CUX1: variants seen among roughly 807,000 people sequenced by gnomAD.
The protein encoded by CUX1 is protein CASP.
A neutral mutation model predicts 158.8 loss-of-function variants in CUX1; 31 were observed. The observed-to-expected ratio is 0.20, with a 90% CI of 0.15 to 0.26. The LOEUF (loss-of-function observed/expected upper bound fraction) is 0.26, where lower values mean the gene tolerates loss of function less well. Among genes scored for constraint, CUX1 ranks in the 10% least tolerant of loss-of-function variants. The probability of loss-of-function intolerance (pLI) is 1.00; values close to 1 mark genes in which losing one functional copy is unlikely to be tolerated. For synonymous variants in CUX1, 879 were observed against 862.1 expected, an observed-to-expected ratio of 1.02 and a Z score of -0.34; for missense variants, 1,589 against 2,014.6, an observed-to-expected ratio of 0.79 and a Z score of 4.04.
intron 21 of CUX1, chr7:102,282,070 C>G: frequency 1.5e-6 from 1 of 669,510 alleles, no homozygotes. Flanking sequence ...CTTCGAGAGC[C>G]TTGGCCCACC....
intron 8 of CUX1, among the ~76,000 whole-genome samples, chr7:102,139,597 C>T (rs1482553282): frequency 1.3e-5 from 2 of 152,180 alleles, no homozygotes; most frequent in African/African-American, 4.8e-5. Context: ...AAATTCGAGA[C>T]AGGCTGGGCA....
chr7:102,206,958 G>C (rs1408543590), intron 20 of CUX1, among the ~76,000 whole-genome samples: 3 of 152,142 alleles, frequency 2.0e-5, no homozygotes, highest in African/African-American at 7.2e-5. Flanking sequence ...TGCCAGGCCT[G>C]CTAATGATCG....
chr7:102,255,524 C>T lies in CUX1; in HGVS notation c.*6482C>T, dbSNP rs373745381. 9 of 985,312 alleles carry T rather than the reference C, an allele frequency of 9.1e-6. No individual in the cohort carries two copies. The African/African-American group carries it at 1.4e-4, about 15-fold the overall frequency. 61.0% of individuals were successfully genotyped at this position (985,312 alleles called of 1,614,324 possible). On this transcript the variant is annotated 3_prime_UTR_variant, in exon 24 of 24. Transcript: ENST00000292535. ...GCTTTTCATGAATCCTTTTAGTTTA[C>T]CCGATAATGTTAAGAAAGCATTAGT...
intron 1 of CUX1, among the ~76,000 whole-genome samples, chr7:101,860,044 C>T (rs1251221955): frequency 6.6e-6 from 1 of 150,396 alleles, no homozygotes; most frequent in Non-Finnish European, 1.5e-5. Flanking sequence ...CTGTCTCTGC[C>T]TGCTTTTTCC....
intron 3 of CUX1, among the ~76,000 whole-genome samples, chr7:102,056,812 G>A (rs1336622145): frequency 3.9e-5 from 6 of 151,970 alleles, no homozygotes; most frequent in African/African-American, 7.3e-5. Context: ...CTCGTGATCC[G>A]CCTGCCTCAG....
Position 102,258,118 on chromosome 7 carries a change from C to T in CUX1, c.*9076C>T, listed in dbSNP as rs1033068749. 11 of 985,124 alleles carry T rather than the reference C, an allele frequency of 1.1e-5. No individual in the cohort carries two copies. Among genetic ancestry groups the T allele is most frequent in the Non-Finnish European group, 1.1e-5 (9 of 829,820 alleles). 61.0% of individuals were successfully genotyped at this position (985,124 alleles called of 1,614,324 possible). On this transcript the variant is annotated 3_prime_UTR_variant, in exon 24 of 24. Coordinates refer to ENST00000292535, the MANE Select transcript of CUX1 (RefSeq NM_181552.4). ...GATGTTTGTTCTCAGCACTGTACAACGGTCCCTATATAATACGGAGAAGCA... is the reference window on the plus strand; with the variant it reads ...GATGTTTGTTCTCAGCACTGTACAATGGTCCCTATATAATACGGAGAAGCA...
At chr7:101,996,058 A>AT (rs1178515474) in intron 2 of CUX1, among the ~76,000 whole-genome samples, 1 of 151,682 alleles carries the variant, frequency 6.6e-6, no homozygotes, top group East Asian at 1.9e-4. Flanking sequence ...ATTGCATGAG[A>AT]TGAGATCGCG....
intron 18 of CUX1, among the ~76,000 whole-genome samples, chr7:102,278,629 T>A (rs1328432678): frequency 1.2e-4 from 5 of 41,588 alleles, no homozygotes; most frequent in South Asian, 6.9e-4. Context: ...AAAATAAAAT[T>A]AAAATAAAAT....
intron 1 of CUX1, among the ~76,000 whole-genome samples, chr7:101,898,679 C>T (rs1554409094): frequency 6.6e-6 from 1 of 151,620 alleles, no homozygotes; most frequent in South Asian, 2.1e-4. Flanking sequence ...CAACCTCCGC[C>T]TCCCGGGTTC....
intron 2 of CUX1, among the ~76,000 whole-genome samples, chr7:101,965,586 G>A (rs1461925883): frequency 2.0e-5 from 3 of 152,034 alleles, no homozygotes; most frequent in Admixed American, 6.6e-5. Context: ...GGTGGCTCAC[G>A]CCTGTAATCC....
At chr7:102,102,904 G>A (rs1829933567) in intron 5 of CUX1, among the ~76,000 whole-genome samples, 1 of 149,904 alleles carries the variant, frequency 6.7e-6, no homozygotes, top group African/African-American at 2.5e-5. Flanking sequence ...CACACACAAA[G>A]CATCCAGCAT....
At chr7:102,239,203 A>T in intron 22 of CUX1, 117 bp from the exon 23 acceptor site, 1 of 1,216,040 alleles carries the variant, frequency 8.2e-7, no homozygotes, top group Non-Finnish European at 1.1e-6. Context: ...TAGTGTTTTG[A>T]GATGCTCTAT....
chr7:102,273,348 G>A (rs1426918764), intron 14 of CUX1: 1 of 1,609,614 alleles, frequency 6.2e-7, no homozygotes, highest in Non-Finnish European at 8.5e-7. Context: ...TGACGGCCAT[G>A]TCTTCCTTTG....
In CUX1 at chr7:102,253,648, G is replaced by A. The variant is rs1563497895; in HGVS notation, c.*4606G>A. 1.0e-6 allele frequency: 1 copy of A among 984,780 alleles called. No homozygotes were observed. The highest frequency in any genetic ancestry group is 1.1e-4 in the East Asian group (1 of 8,814). The allele number at this position is 984,780 out of a possible 1,614,324, so 61.0% of individuals were successfully genotyped here. On this transcript the variant is annotated 3_prime_UTR_variant, in exon 24 of 24. Transcript: ENST00000292535. ...TCCTTCTGGGAGTCACACAAAAGCA[G>A]AGAGATTTTGAACTGAGGGGCGACA...
chr7:102,165,952 C>T (rs993161252), intron 9 of CUX1, among the ~76,000 whole-genome samples: 16 of 152,182 alleles, frequency 1.1e-4, no homozygotes, highest in Non-Finnish European at 2.4e-4. Flanking sequence ...GACACGGTGT[C>T]GCTGGCTGCT....
intron 3 of CUX1, among the ~76,000 whole-genome samples, chr7:102,036,552 A>C (rs1193897462): frequency 6.6e-6 from 1 of 151,560 alleles, no homozygotes; most frequent in Non-Finnish European, 1.5e-5. Context: ...CACCAGCCTG[A>C]CCAATATGGT....
At chr7:101,817,149 G>C (rs1791927770), upstream of CUX1, 1 of 984,208 alleles carries the variant, frequency 1.0e-6, no homozygotes, top group Non-Finnish European at 1.2e-6. This position sits in a 1 kb window ranked among gnomAD's most constrained non-coding sequence, Gnocchi z 4.1. Flanking sequence ...GGAGGAGGAG[G>C]CTGCAACTTT....
Position 102,212,795 on chromosome 7 carries a change from A to T in CUX1, c.3130+7625A>T, listed in dbSNP as rs142355599. On this transcript the variant is annotated intron_variant, in intron 20 of 23. Transcript: ENST00000292535. ...GCCGTGTGCCTTGCTTTTCTCACTTAGTAACACACCGTGGAGACCTTCCTC... is the reference window on the plus strand; with the variant it reads ...GCCGTGTGCCTTGCTTTTCTCACTTTGTAACACACCGTGGAGACCTTCCTC... Among the ~76,000 whole-genome samples the T allele has an allele frequency of 4.0e-3, 614 of 151,804 alleles. 5 individuals are homozygous for T. Among genetic ancestry groups the T allele is most frequent in the African/African-American group, 0.014 (584 of 41,116 alleles).
intron 20 of CUX1, among the ~76,000 whole-genome samples, chr7:102,215,524 G>A (rs1796965822): frequency 6.6e-6 from 1 of 152,192 alleles, no homozygotes; most frequent in Non-Finnish European, 1.5e-5. Flanking sequence ...GAAGCGGGAA[G>A]ATGATAAATT....
Sources: allele counts gnomAD v4.1 joint callset (sites outside exome capture counted in the v4.1 genomes callset), GRCh38; gene constraint gnomAD v4.1.1; non-coding constraint Gnocchi (gnomAD v3.1); transcripts MANE v1.5; gene names NCBI Gene and HGNC (gene_info 2026-07-23, HGNC 2026-07-21).